UVRAG: variants seen among roughly 807,000 people sequenced by gnomAD.
UVRAG encodes UV radiation resistance-associated gene protein.
UVRAG carries 19 observed loss-of-function variants against 78.0 expected under a neutral mutation model. That is an observed-to-expected ratio of 0.24 (90% confidence interval 0.17 to 0.36). UVRAG has a LOEUF of 0.36. Among genes scored for constraint, UVRAG ranks in the 10% least tolerant of loss-of-function variants. The pLI, the probability that UVRAG is intolerant of heterozygous loss-of-function variation, is 1.00. For missense variants in UVRAG, 740 were observed against 853.8 expected, an observed-to-expected ratio of 0.87 and a Z score of 1.66; for synonymous variants, 323 against 324.6, an observed-to-expected ratio of 1.00 and a Z score of 0.05.
At chr11:76,026,559 T>C (rs1950329807) in intron 12 of UVRAG, among the ~76,000 whole-genome samples, 1 of 152,156 alleles carries the variant, frequency 6.6e-6, no homozygotes, top group Admixed American at 6.6e-5. Flanking sequence ...CATTTCCAAC[T>C]CTCTTCTGTG....
intron 8 of UVRAG, among the ~76,000 whole-genome samples, chr11:75,996,417 A>G: frequency 6.6e-6 from 1 of 152,206 alleles, no homozygotes; most frequent in Admixed American, 6.5e-5. Flanking sequence ...AGACATTGCG[A>G]TTAGAGTCAA....
In UVRAG at chr11:75,902,959, A is replaced by G. The variant is rs144464434; in HGVS notation, c.508-8995A>G. Among the ~76,000 whole-genome samples the G allele has an allele frequency of 4.9e-3, 748 of 152,204 alleles. 4 individuals are homozygous for G. Among genetic ancestry groups the G allele is most frequent in the African/African-American group, 0.016 (683 of 41,526 alleles). ...TAAAGATTGTATGGAGTAAATTCTT[A>G]TTGTCTGCTAGATGTGTCCAACTCT... is the stretch of plus-strand genomic sequence containing the variant. On this transcript the variant is annotated intron_variant, in intron 5 of 14. Transcript: ENST00000356136.
At chr11:76,007,727 T>C (rs183704554) in intron 10 of UVRAG, 106 bp downstream of exon 10, 6 of 831,958 alleles carry the variant, frequency 7.2e-6, no homozygotes, top group African/African-American at 1.7e-5. Context: ...AATCATATGC[T>C]CTGTCATGAT....
At chr11:76,006,870 CTG>C (rs1949955292) in intron 9 of UVRAG, among the ~76,000 whole-genome samples, 3 of 152,176 alleles carry the variant, frequency 2.0e-5, no homozygotes, top group South Asian at 2.1e-4. Flanking sequence ...ATTAAATTGA[CTG>C]TGAAATCTTG....
At chr11:75,832,527 C>T (rs1249156761) in intron 1 of UVRAG, among the ~76,000 whole-genome samples, 1 of 152,182 alleles carries the variant, frequency 6.6e-6, no homozygotes, top group Non-Finnish European at 1.5e-5. Flanking sequence ...CGTGGAGCTT[C>T]CATGCCCTCT....
At chr11:76,054,848 T>G (rs1950947392) in intron 12 of UVRAG, among the ~76,000 whole-genome samples, 1 of 152,182 alleles carries the variant, frequency 6.6e-6, no homozygotes, top group Non-Finnish European at 1.5e-5. Flanking sequence ...TATCACAAGG[T>G]GATGATGCAG....
chr11:75,886,188 A>G (rs1455437909), intron 4 of UVRAG, among the ~76,000 whole-genome samples: 2 of 152,130 alleles, frequency 1.3e-5, no homozygotes, highest in Non-Finnish European at 2.9e-5. Context: ...CTAGTACTAT[A>G]TTGTTTCTTA....
At chr11:75,876,997 C>T (rs975480947) in intron 3 of UVRAG, among the ~76,000 whole-genome samples, 5 of 151,204 alleles carry the variant, frequency 3.3e-5, no homozygotes, top group African/African-American at 7.3e-5. Context: ...ACCCTGCGGC[C>T]TTCCGCAGTG....
chr11:75,854,038 C>T (rs767842816), intron 2 of UVRAG, among the ~76,000 whole-genome samples: 16 of 151,112 alleles, frequency 1.1e-4, no homozygotes, highest in Non-Finnish European at 2.1e-4. Flanking sequence ...AGCCTCCCAA[C>T]GTGCTGGGAT....
intron 7 of UVRAG, among the ~76,000 whole-genome samples, chr11:75,975,444 A>G (rs1411431789): frequency 6.6e-6 from 1 of 152,128 alleles, no homozygotes; most frequent in Non-Finnish European, 1.5e-5. Flanking sequence ...TGAATCTATA[A>G]ATTACCTTGG....
Position 76,072,222 on chromosome 11 carries a change from G to A in UVRAG, c.1305+6434G>A, listed in dbSNP as rs113813512. On this transcript the variant is annotated intron_variant, in intron 13 of 14. Transcript: ENST00000356136. Reference sequence around the variant, plus strand: ...AAAACTGAGAGGAATGGACAGTCAGGTAGGGAGAAAATGAAGAGAGAGTAG... The same window carrying A: ...AAAACTGAGAGGAATGGACAGTCAGATAGGGAGAAAATGAAGAGAGAGTAG... 7.0e-3 allele frequency among the ~76,000 whole-genome samples: 1,072 copies of A among 152,266 alleles called. 16 individuals are homozygous for A. Among genetic ancestry groups the A allele is most frequent in the African/African-American group, 0.025 (1,025 of 41,554 alleles).
chr11:75,919,324 A>G (rs1947925313), intron 6 of UVRAG, among the ~76,000 whole-genome samples: 1 of 152,154 alleles, frequency 6.6e-6, no homozygotes, highest in South Asian at 2.1e-4. Flanking sequence ...TACAAAGTTT[A>G]TGTGCTAAAA....
rs56064648 is a variant in UVRAG at position 76,008,758 on chromosome 11, G to C, written c.1000-49G>C. Reference sequence around the variant, plus strand: ...ACCTGCTGATCTGAGATTTAACTTAGAGTTTCTTTGCTTTATTTATTAATT... The same window carrying C: ...ACCTGCTGATCTGAGATTTAACTTACAGTTTCTTTGCTTTATTTATTAATT... On this transcript the variant is annotated intron_variant, in intron 10 of 14. Transcript: ENST00000356136. The C allele has an allele frequency of 1.4e-4, 151 of 1,061,038 alleles. No homozygotes were observed. In the African/African-American group the frequency reaches 2.3e-3, roughly 16 times the overall value. 65.7% of individuals were successfully genotyped at this position (1,061,038 alleles called of 1,614,324 possible). A position where few individuals can be genotyped will look rare whatever the true frequency, so the allele number is the denominator to read the frequency against.
At chr11:75,916,381 T>C (rs958527360) in intron 6 of UVRAG, 1 of 152,246 alleles carries the variant, frequency 6.6e-6, no homozygotes, top group Non-Finnish European at 1.5e-5. Context: ...CTTAGGATAG[T>C]TACTGGCATA....
intron 13 of UVRAG, among the ~76,000 whole-genome samples, chr11:76,104,817 A>G (rs1951942394): frequency 6.6e-6 from 1 of 152,188 alleles, no homozygotes; most frequent in Non-Finnish European, 1.5e-5. Context: ...TATGTTTCTT[A>G]TGTAATCCAA....
intron 9 of UVRAG, among the ~76,000 whole-genome samples, chr11:76,004,879 C>T (rs917365795): frequency 3.3e-5 from 5 of 152,156 alleles, no homozygotes; most frequent in African/African-American, 7.2e-5. Flanking sequence ...TAATTTTAGT[C>T]GCTCTCCCAA....
At chr11:75,950,831 C>T (rs1464970594) in intron 6 of UVRAG, among the ~76,000 whole-genome samples, 1 of 152,036 alleles carries the variant, frequency 6.6e-6, no homozygotes, top group Non-Finnish European at 1.5e-5. Context: ...GTGCTAATAG[C>T]TCATTCTTGT....
At chr11:75,821,997 T>C (rs1356965652) in intron 1 of UVRAG, among the ~76,000 whole-genome samples, 3 of 146,036 alleles carry the variant, frequency 2.1e-5, no homozygotes, top group African/African-American at 7.7e-5. Flanking sequence ...CAGGCTGGAG[T>C]GCAATGGCAC....
intron 8 of UVRAG, among the ~76,000 whole-genome samples, chr11:75,989,014 A>G (rs1247277099): frequency 6.6e-6 from 1 of 151,950 alleles, no homozygotes; most frequent in Non-Finnish European, 1.5e-5. Context: ...TTTCTTCCCT[A>G]TCTTAACAGT....
Sources: allele counts gnomAD v4.1 joint callset (sites outside exome capture counted in the v4.1 genomes callset), GRCh38; gene constraint gnomAD v4.1.1; transcripts MANE v1.5; gene names NCBI Gene and HGNC (gene_info 2026-07-23, HGNC 2026-07-21).